ITGAX: variants seen among roughly 807,000 people sequenced by gnomAD.
ITGAX encodes integrin subunit alpha X, also known as integrin alpha-X.
Under a neutral mutation model 140.2 loss-of-function variants are expected in ITGAX, and 99 were observed. The observed-to-expected ratio is 0.71, with a 90% confidence interval of 0.60 to 0.83. The LOEUF (loss-of-function observed/expected upper bound fraction) is 0.83, where lower values mean the gene tolerates loss of function less well. Ranked by LOEUF, ITGAX falls within the 40% of genes least tolerant of loss-of-function variation. ITGAX has a pLI of 0.00. For missense variants in ITGAX, 1,444 were observed against 1,482.0 expected (o/e 0.97, Z 0.42); for synonymous variants, 631 against 600.4 (o/e 1.05, Z -0.75).
At position 31,380,485 on chromosome 16, in the gene ITGAX, A is replaced by G. The variant is rs1476386179; in HGVS notation, c.3175-38A>G. Reference sequence around the variant, plus strand: ...ACCCCCAGAGCTCTGAGCCTCCCCCAGAGCCAGTTCAACAGGTTTCCCCCA... The same window carrying G: ...ACCCCCAGAGCTCTGAGCCTCCCCCGGAGCCAGTTCAACAGGTTTCCCCCA... On this transcript the variant is annotated intron_variant, in intron 27 of 29. Transcript: ENST00000268296. The G allele has an allele frequency of 1.9e-6, 3 of 1,613,638 alleles. No homozygotes were observed. The African/African-American group carries it at 4.0e-5, about 22-fold the overall frequency.
At position 31,373,236 on chromosome 16, in the gene ITGAX, A is replaced by G; in HGVS notation, c.2367-13A>G. 1 of 1,603,530 alleles carries G rather than the reference A, an allele frequency of 6.2e-7. No homozygotes were observed. The highest frequency in any genetic ancestry group is 8.5e-7 in the Non-Finnish European group (1 of 1,174,190). On this transcript the variant is annotated splice_polypyrimidine_tract_variant and intron_variant, in intron 19 of 29. Transcript: ENST00000268296. ...ACAGAATCATCTTCTCCTTTCCTTC[A>G]CCTGATACCCAGCTTGAAGTCCCTG...
At chr16:31,372,825 C>G (rs1246720102) in intron 19 of ITGAX, among the ~76,000 whole-genome samples, 155 bp downstream of exon 19, 1 of 152,048 alleles carries the variant, frequency 6.6e-6, no homozygotes, top group Non-Finnish European at 1.5e-5. Context: ...AATCCCAGCA[C>G]TTTGGGAGGC....
chr16:31,369,214 G>A (rs1473446321), intron 14 of ITGAX, among the ~76,000 whole-genome samples: 3 of 151,190 alleles, frequency 2.0e-5, no homozygotes, highest in East Asian at 1.9e-4. Context: ...CCTCCCGGAC[G>A]GGGCGGCTGG....
chr16:31,382,054 C>A lies in ITGAX; in HGVS notation c.*147C>A. The A allele has an allele frequency of 6.9e-7, 1 of 1,441,506 alleles. No homozygotes were observed. Among genetic ancestry groups the A allele is most frequent in the Non-Finnish European group, 9.1e-7 (1 of 1,102,534 alleles). The allele number at this position is 1,441,506 out of a possible 1,614,324, so 89.3% of individuals were successfully genotyped here. A position where few individuals can be genotyped will look rare whatever the true frequency, so the allele number is the denominator to read the frequency against. On this transcript the variant is annotated 3_prime_UTR_variant, in exon 30 of 30. Coordinates refer to ENST00000268296, the MANE Select transcript of ITGAX (RefSeq NM_000887.5). ...CCTGTCTTTGGGAGAAAACGTCTTG[C>A]TTGGGAAGGGGCCTTTGTCTTGTCA... is the stretch of plus-strand genomic sequence containing the variant.
intron 28 of ITGAX, 46 bp from the exon 29 acceptor site, chr16:31,380,851 A>G (rs1303762594): frequency 2.0e-6 from 3 of 1,535,018 alleles, no homozygotes; most frequent in South Asian, 2.2e-5. Flanking sequence ...GGAGTCTGGG[A>G]TAGTAGGAGG....
rs373068998 is a variant in ITGAX, at chr16:31,382,775, C to T, written c.*868C>T. The T allele has an allele frequency of 2.8e-5, 13 of 465,066 alleles. No homozygotes were observed. The highest frequency in any genetic ancestry group is 7.7e-5 in the East Asian group (2 of 26,010). The allele number at this position is 465,066 out of a possible 1,614,324, so 28.8% of individuals were successfully genotyped here. On this transcript the variant is annotated 3_prime_UTR_variant, in exon 30 of 30. Coordinates refer to ENST00000268296, the MANE Select transcript of ITGAX (RefSeq NM_000887.5). ...CGCCCTCTAGGGAGGGACATGGCCCCGGTGCGGCTGCAGCTCACCCAGCCC... is the reference window on the plus strand; with the variant it reads ...CGCCCTCTAGGGAGGGACATGGCCCTGGTGCGGCTGCAGCTCACCCAGCCC...
In ITGAX at chr16:31,380,961, T is replaced by C. The variant is rs145367964; in HGVS notation, c.3341T>C (p.Ile1114Thr). The C allele has an allele frequency of 2.3e-4, 377 of 1,614,106 alleles. 1 individual carries two copies. Among genetic ancestry groups the C allele is most frequent in the Admixed American group, 1.8e-3 (108 of 59,998 alleles). Residue 1114 changes from isoleucine to threonine, a missense_variant, in exon 29 of 30, where the codon ATT becomes ACT. By Grantham distance (89) the Ile-to-Thr change is moderately conservative. Transcript: ENST00000268296. ...ACCCCCCTCATCGTAGGCAGCTCCA[T>C]TGGGGGTCTGTTGCTGCTGGCACTC... ...NPTPLIVGSS[I>T]GGLLLLALIT...
At chr16:31,360,783 A>T in intron 8 of ITGAX, 1 of 510,636 alleles carries the variant, frequency 2.0e-6, no homozygotes, top group Non-Finnish European at 3.4e-6. Context: ...CCCAAAGCAC[A>T]GGGATTACAG....
chr16:31,364,741 A>G (rs965288803), intron 14 of ITGAX, among the ~76,000 whole-genome samples: 40 of 151,980 alleles, frequency 2.6e-4, no homozygotes, highest in Middle Eastern at 3.4e-3. Context: ...GGCTGGGCAC[A>G]GTGGCTCATG....
intron 28 of ITGAX, 105 bp from the exon 29 acceptor site, chr16:31,380,792 C>A: frequency 7.9e-7 from 1 of 1,272,400 alleles, no homozygotes; most frequent in Non-Finnish European, 1.1e-6. Flanking sequence ...CCTCTTGGAG[C>A]AGGGCCTGGG....
Position 31,357,291 on chromosome 16 carries a change from C to G in ITGAX, c.357C>G (p.Asn119Lys). The stretch of plus-strand genomic sequence containing the variant: ...CCGTGCACCACGAGTGCGGGAGGAA[C>G]ATGTACCTCACCGGACTCTGCTTCC... The part of the protein sequence containing the change: ...GPTVHHECGR[N>K]MYLTGLCFLL... The change falls in exon 5 of 30, where the codon AAC becomes AAG. Residue 119 changes from asparagine to lysine, a missense_variant. Physicochemically the swap from Asn to Lys is moderately conservative, Grantham distance 94 (BLOSUM62 0). Transcript: ENST00000268296. 1 of 1,608,838 alleles carries G rather than the reference C, an allele frequency of 6.2e-7. No individual in the cohort carries two copies. Among genetic ancestry groups the G allele is most frequent in the South Asian group, 1.1e-5 (1 of 90,096 alleles).
chr16:31,379,414 G>A (rs2081047695), intron 23 of ITGAX, among the ~76,000 whole-genome samples, 154 bp from the exon 24 acceptor site: 1 of 152,162 alleles, frequency 6.6e-6, no homozygotes, highest in South Asian at 2.1e-4. Context: ...ACCGCGCCTG[G>A]CCTCTAAACT....
chr16:31,372,841 T>C (rs1597078875), intron 19 of ITGAX, among the ~76,000 whole-genome samples, 171 bp downstream of exon 19: 1 of 151,494 alleles, frequency 6.6e-6, no homozygotes, highest in Non-Finnish European at 1.5e-5. Flanking sequence ...GAGGCCGAGG[T>C]GGGAGGATCT....
intron 1 of ITGAX, among the ~76,000 whole-genome samples, chr16:31,355,692 T>C (rs1024586404): frequency 1.3e-5 from 2 of 152,096 alleles, no homozygotes; most frequent in Admixed American, 6.6e-5. Context: ...AATGGAGAAC[T>C]GCAACTCGAT....
intron 8 of ITGAX, chr16:31,360,848 G>T (rs917232595): frequency 3.6e-6 from 2 of 550,192 alleles, no homozygotes; most frequent in Non-Finnish European, 6.4e-6. Flanking sequence ...CAGCTCTCTC[G>T]GCTCTTACTG....
chr16:31,363,076 G>T lies in ITGAX; in HGVS notation c.1500+1G>T. The T allele has an allele frequency of 6.4e-7, 1 of 1,565,906 alleles. No homozygotes were observed. The highest frequency in any genetic ancestry group is 8.7e-7 in the Non-Finnish European group (1 of 1,144,760). On this transcript the variant is annotated splice_donor_variant, in intron 13 of 29. Coordinates refer to ENST00000268296, the MANE Select transcript of ITGAX (RefSeq NM_000887.5). LOFTEE classifies it high-confidence loss of function. ...GTCTGTGTGTCCCTTGCCCAGGGGG[G>T]TGAGTGGCTGATGGGCCTGGGGTGG...
At chr16:31,380,855 T>C in intron 28 of ITGAX, 42 bp from the exon 29 acceptor site, 2 of 1,546,366 alleles carry the variant, frequency 1.3e-6, no homozygotes, top group Non-Finnish European at 8.9e-7. Context: ...TCTGGGATAG[T>C]AGGAGGATGG....
chr16:31,372,661 G>A lies in ITGAX; in HGVS notation c.2357G>A (p.Ser786Asn). ...CAGGACAATCTCGGCATCTCCTTCA[G>A]CTTCCCAGGGTGAGCGCCCCCACCT... ...ICQDNLGISF[S>N]FPGLKSLLVG... The change falls in exon 19 of 30, where the codon AGC becomes AAC. Residue 786 changes from serine to asparagine, a missense_variant. By Grantham distance (46) the Ser-to-Asn change is conservative (BLOSUM62 1). Coordinates refer to ENST00000268296, the MANE Select transcript of ITGAX (RefSeq NM_000887.5). 1.9e-6 allele frequency: 3 copies of A among 1,613,972 alleles called. No homozygotes were observed. The highest frequency in any genetic ancestry group is 1.7e-4 in the Middle Eastern group (1 of 6,046).
At chr16:31,374,286 C>CT (rs1018295935) in intron 20 of ITGAX, among the ~76,000 whole-genome samples, 1 of 77,802 alleles carries the variant, frequency 1.3e-5, no homozygotes, top group African/African-American at 8.0e-5. Context: ...AAGACTCTGT[C>CT]TAAAAAAAAA....
Sources: gnomAD v4.1 joint callset for allele counts (sites outside exome capture counted in the v4.1 genomes callset) on GRCh38, gnomAD v4.1.1 for gene constraint, MANE v1.5 for transcripts, NCBI Gene and HGNC (gene_info 2026-07-23, HGNC 2026-07-21) for gene names.